The following GRID2 variants were observed in gnomAD, a reference collection of about 807,000 sequenced individuals.
The protein encoded by GRID2 is glutamate receptor ionotropic, delta-2.
GRID2 carries 33 observed loss-of-function variants against 114.8 expected under a neutral mutation model. The observed-to-expected ratio is 0.29, with a 90% confidence interval of 0.22 to 0.38. GRID2 has a LOEUF of 0.38. Ranked by LOEUF, GRID2 falls within the 10% of genes least tolerant of loss-of-function variation. The probability of loss-of-function intolerance (pLI) is 1.00; values close to 1 mark genes in which losing one functional copy is unlikely to be tolerated. For missense variants in GRID2, 1,184 were observed against 1,257.7 expected (o/e 0.94, Z 0.89); for synonymous variants, 505 against 449.9 (o/e 1.12, Z -1.55).
intron 1 of GRID2, among the ~76,000 whole-genome samples, chr4:92,581,198 C>CTT (rs772006248): frequency 1.1e-4 from 15 of 137,872 alleles, no homozygotes; most frequent in African/African-American, 2.6e-4. Flanking sequence ...TCCCCCCACC[C>CTT]TTTTTTTTTT....
intron 7 of GRID2, among the ~76,000 whole-genome samples, chr4:93,229,914 C>T (rs1745918700): frequency 6.6e-6 from 1 of 151,882 alleles, no homozygotes; most frequent in South Asian, 2.1e-4. Context: ...TTAATGCTTG[C>T]CTGTTTATTC....
At chr4:92,645,966 C>T (rs1731594974) in intron 2 of GRID2, among the ~76,000 whole-genome samples, 1 of 151,716 alleles carries the variant, frequency 6.6e-6, no homozygotes, top group South Asian at 2.1e-4. Context: ...ACTTTTCTTG[C>T]AGTCAAATGT....
chr4:92,755,267 C>A (rs1420861918), intron 2 of GRID2, among the ~76,000 whole-genome samples: 1 of 152,090 alleles, frequency 6.6e-6, no homozygotes, highest in Non-Finnish European at 1.5e-5. Context: ...TGTTATTCTT[C>A]TAAAAAAATA....
In GRID2 at chr4:93,550,837, T is replaced by A. The variant is rs80355752; in HGVS notation, c.2193+35426T>A. Among the ~76,000 whole-genome samples, 63 of 152,346 alleles carry A rather than the reference T, an allele frequency of 4.1e-4. 1 individual carries two copies. The East Asian group carries it at 0.012, about 29-fold the overall frequency. ...ATACTTATTATATGCCCTAAATATT[T>A]GAGATGCATATATTTTTTAGTGTAG... On this transcript the variant is annotated intron_variant, in intron 13 of 15. Coordinates refer to ENST00000282020, the MANE Select transcript of GRID2 (RefSeq NM_001510.4).
chr4:92,496,269 T>G (rs1723384856), intron 1 of GRID2, among the ~76,000 whole-genome samples: 1 of 151,910 alleles, frequency 6.6e-6, no homozygotes, highest in African/African-American at 2.4e-5. Flanking sequence ...GTATTCCTTC[T>G]TTGTGGATGT....
At chr4:92,565,586 T>C (rs1275750437) in intron 1 of GRID2, among the ~76,000 whole-genome samples, 1 of 152,028 alleles carries the variant, frequency 6.6e-6, no homozygotes, top group Non-Finnish European at 1.5e-5. Context: ...TATTTATCTA[T>C]CCATTTCTAT....
chr4:92,806,611 A>C (rs1740427612), intron 2 of GRID2, among the ~76,000 whole-genome samples: 1 of 151,934 alleles, frequency 6.6e-6, no homozygotes, highest in African/African-American at 2.4e-5. Context: ...AAGATATATA[A>C]GAGCCTGACA....
intron 1 of GRID2, among the ~76,000 whole-genome samples, chr4:92,322,000 A>T (rs2110128344): frequency 6.6e-6 from 1 of 152,296 alleles, no homozygotes; most frequent in African/African-American, 2.4e-5. Context: ...ATTGCAAATA[A>T]GGTTCATATT....
intron 2 of GRID2, among the ~76,000 whole-genome samples, chr4:92,721,345 C>CTA (rs1425338264): frequency 2.6e-5 from 4 of 152,156 alleles, no homozygotes; most frequent in African/African-American, 9.6e-5. Context: ...TTGGTGAAAA[C>CTA]ATCAATGTGA....
rs35860438 is a variant in GRID2, at chr4:93,534,846, C to CTT, written c.2193+19449_2193+19450dup. On this transcript the variant is annotated intron_variant, in intron 13 of 15. Coordinates refer to ENST00000282020, the MANE Select transcript of GRID2 (RefSeq NM_001510.4). ...ACACACCCATCACCTCACATGGTTA[C>CTT]TTTTTTTTTTTTTTTGGTAAGAACA... 6.3e-3 allele frequency among the ~76,000 whole-genome samples: 874 copies of CTT among 138,244 alleles called. 8 individuals are homozygous for CTT. The highest frequency in any genetic ancestry group is 0.011 in the Middle Eastern group (3 of 266). The allele number at this position is 138,244 out of a possible 152,430, so 90.7% of individuals were successfully genotyped here.
chr4:92,931,263 TA>T (rs1015194844), intron 2 of GRID2, among the ~76,000 whole-genome samples: 21 of 150,476 alleles, frequency 1.4e-4, no homozygotes, highest in African/African-American at 4.4e-4. Context: ...TAATAGGCAT[TA>T]AAAAAAAGCC....
chr4:93,220,184 A>G (rs890398303), intron 6 of GRID2, among the ~76,000 whole-genome samples: 4 of 152,130 alleles, frequency 2.6e-5, no homozygotes, highest in Admixed American at 6.6e-5. Flanking sequence ...GGAGTACCTC[A>G]GATAAGACAA....
At chr4:93,513,031 T>G (rs1729349835) in intron 12 of GRID2, among the ~76,000 whole-genome samples, 1 of 152,150 alleles carries the variant, frequency 6.6e-6, no homozygotes, top group African/African-American at 2.4e-5. Flanking sequence ...TGATCTCACC[T>G]CCATTAGATT....
At chr4:93,074,842 A>G (rs1729117615) in intron 2 of GRID2, among the ~76,000 whole-genome samples, 1 of 152,130 alleles carries the variant, frequency 6.6e-6, no homozygotes, top group African/African-American at 2.4e-5. Context: ...TATTACAAAC[A>G]CCTTTATTTC....
chr4:92,328,995 T>G (rs1579187938), intron 1 of GRID2, among the ~76,000 whole-genome samples: 1 of 152,190 alleles, frequency 6.6e-6, no homozygotes, highest in East Asian at 1.9e-4. Context: ...TTTAAATAAT[T>G]TACTCTCTGG....
At chr4:93,057,133 G>A (rs1235603092) in intron 2 of GRID2, among the ~76,000 whole-genome samples, 1 of 149,672 alleles carries the variant, frequency 6.7e-6, no homozygotes, top group Admixed American at 6.8e-5. Context: ...CTGGAAAAGT[G>A]ACTGAAGTGT....
At chr4:92,410,784 T>C (rs79436131) in intron 1 of GRID2, among the ~76,000 whole-genome samples, 6,428 of 151,684 alleles carry the variant, frequency 0.042, 145 homozygotes, top group South Asian at 0.08. Context: ...AGAAAGGTAA[T>C]GTGGTACATA....
chr4:93,109,963 A>G (rs1732610029), intron 3 of GRID2, among the ~76,000 whole-genome samples: 1 of 150,998 alleles, frequency 6.6e-6, no homozygotes, highest in Non-Finnish European at 1.5e-5. Context: ...GACACTGGAC[A>G]TTTTAATTTG....
intron 13 of GRID2, among the ~76,000 whole-genome samples, chr4:93,623,601 A>G (rs1226271183): frequency 2.6e-5 from 4 of 152,350 alleles, no homozygotes; most frequent in African/African-American, 9.6e-5. Context: ...TCCAACAATG[A>G]TAGACTGGAT....
Sources: gnomAD v4.1 joint callset for allele counts (sites outside exome capture counted in the v4.1 genomes callset) on GRCh38, gnomAD v4.1.1 for gene constraint, MANE v1.5 for transcripts, NCBI Gene and HGNC (gene_info 2026-07-23, HGNC 2026-07-21) for gene names.